ERBB4: variants seen among roughly 807,000 people sequenced by gnomAD.
ERBB4 encodes erb-b2 receptor tyrosine kinase 4.
A neutral mutation model predicts 158.0 loss-of-function variants in ERBB4; 42 were observed. The ratio of observed to expected loss-of-function variants is 0.27; its 90% CI spans 0.21 to 0.34. The LOEUF is 0.34. Ranked by LOEUF, ERBB4 falls within the 10% of genes least tolerant of loss-of-function variation. ERBB4 has a pLI of 1.00. For missense variants in ERBB4, 1,333 were observed against 1,624.1 expected (o/e 0.82, Z 3.08); for synonymous variants, 583 against 558.7 (o/e 1.04, Z -0.61).
chr2:211,742,828 GA>G (rs1281377028), intron 5 of ERBB4, among the ~76,000 whole-genome samples: 1 of 151,008 alleles, frequency 6.6e-6, no homozygotes, highest in African/African-American at 2.4e-5. Flanking sequence ...TTATCTACAA[GA>G]AAAAAATACA....
At chr2:211,527,022 A>G (rs2066368061) in intron 20 of ERBB4, among the ~76,000 whole-genome samples, 1 of 152,120 alleles carries the variant, frequency 6.6e-6, no homozygotes, top group Middle Eastern at 3.2e-3. Context: ...TTATGGGTAG[A>G]AAGTTTATTT....
intron 1 of ERBB4, among the ~76,000 whole-genome samples, chr2:212,198,253 C>T (rs1227736899): frequency 2.6e-5 from 4 of 152,088 alleles, no homozygotes; most frequent in Non-Finnish European, 4.4e-5. Context: ...TTTAGATGTA[C>T]AATTCAATGG....
At chr2:212,477,559 A>C (rs777324860) in intron 1 of ERBB4, among the ~76,000 whole-genome samples, 2 of 152,190 alleles carry the variant, frequency 1.3e-5, no homozygotes, top group Non-Finnish European at 2.9e-5. Context: ...AATTCCTATA[A>C]TTCAAATCTG....
chr2:212,369,711 TG>T (rs2090018093), intron 1 of ERBB4, among the ~76,000 whole-genome samples: 1 of 152,058 alleles, frequency 6.6e-6, no homozygotes, highest in Admixed American at 6.6e-5. Flanking sequence ...TTTTATTTTG[TG>T]GGAACAGGGT....
At chr2:212,266,113 T>C (rs2085126710) in intron 1 of ERBB4, among the ~76,000 whole-genome samples, 1 of 151,762 alleles carries the variant, frequency 6.6e-6, no homozygotes, top group East Asian at 1.9e-4. Flanking sequence ...TGCCCCCCTC[T>C]CCTATTCTGT....
In ERBB4 at chr2:211,381,017, G is replaced by C. The variant is rs969692074; in HGVS notation, c.*2598C>G. 2 of 232,304 alleles carry C rather than the reference G, an allele frequency of 8.6e-6. No homozygotes were observed. The highest frequency in any genetic ancestry group is 4.4e-5 in the African/African-American group (2 of 45,282). 14.4% of individuals were successfully genotyped at this position (232,304 alleles called of 1,614,324 possible). A position where few individuals can be genotyped will look rare whatever the true frequency, so the allele number is the denominator to read the frequency against. On this transcript the variant is annotated 3_prime_UTR_variant, in exon 28 of 28. Coordinates refer to ENST00000342788, the MANE Select transcript of ERBB4 (RefSeq NM_005235.3). ...ACTCGATGCAGATTTATTTAGAAAG[G>C]GAGGCTTATATTCAATTTTTCATAA...
At chr2:212,078,278 T>A (rs1275098102) in intron 2 of ERBB4, among the ~76,000 whole-genome samples, 2 of 151,962 alleles carry the variant, frequency 1.3e-5, no homozygotes, top group Non-Finnish European at 2.9e-5. Flanking sequence ...TTTAAGAAAC[T>A]TTTTTTGGGG....
intron 2 of ERBB4, among the ~76,000 whole-genome samples, chr2:211,961,133 CA>C (rs1233894628): frequency 6.6e-6 from 1 of 152,034 alleles, no homozygotes; most frequent in Non-Finnish European, 1.5e-5. Flanking sequence ...TCTAGATATT[CA>C]GCATCATTGG....
At chr2:211,632,608 G>GT (rs869116029) in intron 16 of ERBB4, among the ~76,000 whole-genome samples, 1 of 148,674 alleles carries the variant, frequency 6.7e-6, no homozygotes. Context: ...GCTCTATTTT[G>GT]TTTTTTGTTT....
At chr2:212,049,401 TTGC>T (rs1306306889) in intron 2 of ERBB4, among the ~76,000 whole-genome samples, 1 of 152,166 alleles carries the variant, frequency 6.6e-6, no homozygotes, top group African/African-American at 2.4e-5. Context: ...ATTATTATTG[TTGC>T]TATTGGTGTG....
chr2:212,465,464 T>C (rs1307351116), intron 1 of ERBB4, among the ~76,000 whole-genome samples: 1 of 152,328 alleles, frequency 6.6e-6, no homozygotes, highest in Non-Finnish European at 1.5e-5. Flanking sequence ...TTCATATCTC[T>C]GTATAATTTA....
At position 212,170,204 on chromosome 2, in the gene ERBB4, G is replaced by A. The variant is rs139396059; in HGVS notation, c.83-45301C>T. 4.3e-4 allele frequency among the ~76,000 whole-genome samples: 65 copies of A among 152,226 alleles called. No individual in the cohort carries two copies. The East Asian group carries it at 0.012, about 29-fold the overall frequency. On this transcript the variant is annotated intron_variant, in intron 1 of 27. Transcript: ENST00000342788. Reference sequence around the variant, plus strand: ...TGAACAATGAAGTCCAGGCTGAGGTGGTCTCAGATGGAGATGAGGAATTTA... The same window carrying A: ...TGAACAATGAAGTCCAGGCTGAGGTAGTCTCAGATGGAGATGAGGAATTTA...
intron 4 of ERBB4, among the ~76,000 whole-genome samples, chr2:211,770,997 T>G (rs1334141688): frequency 6.6e-6 from 1 of 152,184 alleles, no homozygotes; most frequent in Non-Finnish European, 1.5e-5. Context: ...CTATGCCAAT[T>G]TCAAACTAAC....
At chr2:211,908,701 T>A (rs2079462544) in intron 3 of ERBB4, among the ~76,000 whole-genome samples, 1 of 151,804 alleles carries the variant, frequency 6.6e-6, no homozygotes, top group African/African-American at 2.4e-5. Context: ...GACATTTGAT[T>A]ACATTCCGTT....
rs1559317147 is a variant in ERBB4 at position 211,580,814 on chromosome 2, T to TATATATATATATA, written c.2302-18727_2302-18726insTATATATATATAT. Among the ~76,000 whole-genome samples the TATATATATATATA allele has an allele frequency of 2.3e-4, 12 of 51,076 alleles. 1 individual carries two copies. Among genetic ancestry groups the TATATATATATATA allele is most frequent in the African/African-American group, 8.4e-4 (12 of 14,280 alleles). The allele number at this position is 51,076 out of a possible 152,430, so 33.5% of individuals were successfully genotyped here. On this transcript the variant is annotated intron_variant, in intron 19 of 27. Coordinates refer to ENST00000342788, the MANE Select transcript of ERBB4 (RefSeq NM_005235.3). Reference sequence around the variant, plus strand: ...TATATATATATATATATATATATAATATATATATATTATATATATAGATTA... The same window carrying TATATATATATATA: ...TATATATATATATATATATATATAATATATATATATATAATATATATATTATATATATAGATTA...
chr2:211,960,654 T>C (rs1299568423), intron 2 of ERBB4: 1 of 152,114 alleles, frequency 6.6e-6, no homozygotes. Context: ...TGTCAGCAAA[T>C]TGAGTGTCTT....
chr2:211,635,816 C>T (rs577766239), intron 16 of ERBB4, among the ~76,000 whole-genome samples: 7 of 151,726 alleles, frequency 4.6e-5, no homozygotes, highest in South Asian at 4.2e-4. Flanking sequence ...AAGGTAAGTT[C>T]GTCACCAAAT....
chr2:211,757,574 C>T (rs1201401298), intron 4 of ERBB4, among the ~76,000 whole-genome samples: 1 of 152,150 alleles, frequency 6.6e-6, no homozygotes, highest in Non-Finnish European at 1.5e-5. Flanking sequence ...TAATTTCAAA[C>T]AGAAGTGTAA....
At chr2:212,332,759 A>G (rs1249648370) in intron 1 of ERBB4, among the ~76,000 whole-genome samples, 1 of 152,014 alleles carries the variant, frequency 6.6e-6, no homozygotes, top group African/African-American at 2.4e-5. Context: ...TTAGAGTAAT[A>G]ATTTAAAGTT....
Sources: allele counts gnomAD v4.1 joint callset (sites outside exome capture counted in the v4.1 genomes callset), GRCh38; gene constraint gnomAD v4.1.1; transcripts MANE v1.5; gene names NCBI Gene and HGNC (gene_info 2026-07-23, HGNC 2026-07-21).